The following MTMR6 variants were observed in gnomAD, a reference collection of about 807,000 sequenced individuals.
MTMR6 encodes phosphatidylinositol-3,5-bisphosphate 3-phosphatase MTMR6.
In MTMR6, 47 loss-of-function variants were observed where a neutral mutation model predicts 80.1. The observed-to-expected ratio is 0.59, with a 90% confidence interval of 0.46 to 0.75. The LOEUF is 0.75. MTMR6 is among the 30% of genes least tolerant of loss of function. The pLI is 0.00. For missense variants in MTMR6, 629 were observed against 730.9 expected (o/e 0.86, Z 1.61); for synonymous variants, 254 against 253.0 (o/e 1.00, Z -0.04).
intron 9 of MTMR6, among the ~76,000 whole-genome samples, 159 bp from the exon 10 acceptor site, chr13:25,254,593 G>T (rs1957155406): frequency 6.6e-6 from 1 of 152,166 alleles, no homozygotes; most frequent in Non-Finnish European, 1.5e-5. Flanking sequence ...CCAAAACCTT[G>T]ATTCGAGGTG....
intron 5 of MTMR6, among the ~76,000 whole-genome samples, chr13:25,264,264 AAAAAAAAAAATG>A (rs1279093614): frequency 2.4e-4 from 1 of 4,112 alleles, no homozygotes; most frequent in Non-Finnish European, 1.8e-3. Flanking sequence ...CAGAAAATCC[AAAAAAAAAAATG>A]AAAAATAAAG....
intron 1 of MTMR6, among the ~76,000 whole-genome samples, chr13:25,274,994 A>ACACACACACACACC (rs1957685826): frequency 6.8e-6 from 1 of 148,140 alleles, no homozygotes; most frequent in Non-Finnish European, 1.5e-5. Flanking sequence ...ACACACACAC[A>ACACACACACACACC]CACACACACA....
chr13:25,286,716 A>T (rs902647322), intron 1 of MTMR6, among the ~76,000 whole-genome samples: 2 of 152,214 alleles, frequency 1.3e-5, no homozygotes, highest in African/African-American at 4.8e-5. Context: ...CGGATGCGAA[A>T]GACTGGAGAC....
At chr13:25,266,433 T>C (rs1490611689) in intron 3 of MTMR6, 147 bp from the exon 4 acceptor site, 1 of 674,174 alleles carries the variant, frequency 1.5e-6, no homozygotes, top group African/African-American at 1.8e-5. Context: ...TGATGTTCAG[T>C]ATGCAAATGA....
chr13:25,287,064 T>C (rs1028115911), intron 1 of MTMR6, among the ~76,000 whole-genome samples, 160 bp downstream of exon 1: 1 of 152,114 alleles, frequency 6.6e-6, no homozygotes, highest in African/African-American at 2.4e-5. Flanking sequence ...AAGCTAACCC[T>C]GCCCTCCCAG....
At chr13:25,267,652 AG>A in intron 3 of MTMR6, 126 bp downstream of exon 3, 1 of 856,336 alleles carries the variant, frequency 1.2e-6, no homozygotes, top group East Asian at 2.7e-5. Context: ...TGGGGGAGAT[AG>A]AGTACAAAAG....
rs762766462 is a variant in MTMR6, at chr13:25,249,230, G to C, written c.*2C>G. 1 of 1,611,704 alleles carries C rather than the reference G, an allele frequency of 6.2e-7. No homozygotes were observed. Among genetic ancestry groups the C allele is most frequent in the African/African-American group, 1.3e-5 (1 of 74,866 alleles). On this transcript the variant is annotated 3_prime_UTR_variant, in exon 14 of 14. Transcript: ENST00000381801. Reference sequence around the variant, plus strand: ...AATCATTGCAGAAAAAACTCTATGAGTCTAACAAGTCATTCTTGCCACACC... The same window carrying C: ...AATCATTGCAGAAAAAACTCTATGACTCTAACAAGTCATTCTTGCCACACC...
intron 1 of MTMR6, among the ~76,000 whole-genome samples, chr13:25,276,818 T>C (rs913303873): frequency 6.6e-6 from 1 of 152,252 alleles, no homozygotes; most frequent in Non-Finnish European, 1.5e-5. Flanking sequence ...GGTCTCACTA[T>C]GTGCCTAGTG....
chr13:25,264,471 C>G (rs773505071), intron 5 of MTMR6, among the ~76,000 whole-genome samples: 2 of 151,888 alleles, frequency 1.3e-5, no homozygotes, highest in African/African-American at 2.4e-5. Context: ...AATTTCAGAA[C>G]AAGCAGGGCG....
At position 25,267,887 on chromosome 13, in the gene MTMR6, A is replaced by C. The variant is rs373692629; in HGVS notation, c.196T>G (p.Cys66Gly). The change falls in exon 3 of 14, where the codon TGC becomes GGC. Residue 66 changes from cysteine (C) to glycine (G), a missense_variant. Physicochemically the swap from Cys to Gly is radical, Grantham distance 159. Transcript: ENST00000381801. ...TTCTTGCACTGTATCACAAGGGGGC[A>C]TCCAGAAGTAGTCAAAGCAAGTTTC... ...VEKLALTTSG[C>G]PLVIQCKNFR... The C allele has an allele frequency of 5.6e-6, 9 of 1,613,350 alleles. No homozygotes were observed. The highest frequency in any genetic ancestry group is 7.6e-6 in the Non-Finnish European group (9 of 1,179,636).
At chr13:25,249,532 A>T in intron 13 of MTMR6, 40 bp from the exon 14 acceptor site, 1 of 1,588,054 alleles carries the variant, frequency 6.3e-7, no homozygotes, top group Non-Finnish European at 8.6e-7. Context: ...CTAATTGCAT[A>T]AGCCACAATA....
rs1956987522 is a variant in MTMR6 at position 25,246,753 on chromosome 13, A to G, written c.*2479T>C. 6.5e-6 allele frequency: 1 copy of G among 152,672 alleles called. No homozygotes were observed. The highest frequency in any genetic ancestry group is 2.4e-5 in the African/African-American group (1 of 41,430). 9.5% of individuals were successfully genotyped at this position (152,672 alleles called of 1,614,324 possible). Reference sequence around the variant, plus strand: ...ACCTCCCTGCTCTGCTACCCGACCAAATAAATTGAATTTGTTTTAAAAGAG... The same window carrying G: ...ACCTCCCTGCTCTGCTACCCGACCAGATAAATTGAATTTGTTTTAAAAGAG... On this transcript the variant is annotated 3_prime_UTR_variant, in exon 14 of 14. Transcript: ENST00000381801.
intron 1 of MTMR6, among the ~76,000 whole-genome samples, chr13:25,281,412 A>G (rs1957842035): frequency 6.6e-6 from 1 of 151,916 alleles, no homozygotes; most frequent in Admixed American, 6.6e-5. Flanking sequence ...AGAGGAAAGG[A>G]AAAGGAAGGA....
chr13:25,251,827 T>C lies in MTMR6; in HGVS notation c.1478+26A>G, dbSNP rs199892242. On this transcript the variant is annotated intron_variant, in intron 12 of 13. Transcript: ENST00000381801. The surrounding 1 kb of genome is among the most constrained non-coding windows in gnomAD (Gnocchi z 4.1). ...AATTGTGTTTGAGAAAATTCAAGTA[T>C]AAATACTCCAATGATGTCAACTTAC... is the stretch of plus-strand genomic sequence containing the variant. 4 of 1,603,066 alleles carry C rather than the reference T, an allele frequency of 2.5e-6. No homozygotes were observed. The highest frequency in any genetic ancestry group is 1.7e-4 in the Middle Eastern group (1 of 6,030).
rs562587474 is a variant in MTMR6, at chr13:25,263,103, G to GA, written c.592-1302dup. On this transcript the variant is annotated intron_variant, in intron 5 of 13. Coordinates refer to ENST00000381801, the MANE Select transcript of MTMR6 (RefSeq NM_004685.5). ...AAAACCACAGGGACAAAGAGAATGG[G>GA]AAAAAAGACATAGAGATGTCAATAA... Among the ~76,000 whole-genome samples, 5 of 152,028 alleles carry GA rather than the reference G, an allele frequency of 3.3e-5. No individual in the cohort carries two copies. In the South Asian group the frequency reaches 1.0e-3, roughly 32 times the overall value.
rs1330228114 is a variant in MTMR6, at chr13:25,246,321, A to G, written c.*2911T>C. ...ATATATACTTTTTTTTGAGATAATTATTCTAGATTCCAGGCTTTCTTCTAG... is the reference window on the plus strand; with the variant it reads ...ATATATACTTTTTTTTGAGATAATTGTTCTAGATTCCAGGCTTTCTTCTAG... On this transcript the variant is annotated 3_prime_UTR_variant, in exon 14 of 14. Transcript: ENST00000381801. 1 of 152,628 alleles carries G rather than the reference A, an allele frequency of 6.6e-6. No homozygotes were observed. The highest frequency in any genetic ancestry group is 1.5e-5 in the Non-Finnish European group (1 of 68,036). The allele number at this position is 152,628 out of a possible 1,614,324, so 9.5% of individuals were successfully genotyped here. A position where few individuals can be genotyped will look rare whatever the true frequency, so the allele number is the denominator to read the frequency against.
rs117656504 is a variant in MTMR6, at chr13:25,273,891, T to C, written c.141+180A>G. 4.9e-3 allele frequency among the ~76,000 whole-genome samples: 751 copies of C among 152,318 alleles called. 33 individuals carry two copies. In the East Asian group the frequency reaches 0.093, roughly 19 times the overall value. ...GTGTGGTATTTTATAGAATTCCATG[T>C]TACATATTCTATAACTGATTTATTA... On this transcript the variant is annotated intron_variant, in intron 2 of 13. Transcript: ENST00000381801.
In MTMR6 at chr13:25,258,675, G is replaced by T; in HGVS notation, c.744C>A (p.Asn248Lys). 1 of 1,569,190 alleles carries T rather than the reference G, an allele frequency of 6.4e-7. No homozygotes were observed. ...DTRPKLNAMA[N>K]RAAGKGYENE... ...TTTCATAACCTTTTCCAGCTGCTCT[G>T]TTGGCCATTGCATTCAGCTAAAATT... Residue 248 changes from asparagine to lysine, a missense_variant, in exon 7 of 14, where the codon AAC becomes AAA. By Grantham distance (94) the Asn-to-Lys change is moderately conservative. Transcript: ENST00000381801.
At chr13:25,275,324 A>G (rs1957695101) in intron 1 of MTMR6, among the ~76,000 whole-genome samples, 4 of 152,108 alleles carry the variant, frequency 2.6e-5, no homozygotes, top group Admixed American at 2.0e-4. Flanking sequence ...TGGGAGGCTG[A>G]GGCAGGAGAA....
Sources: allele counts gnomAD v4.1 joint callset (sites outside exome capture counted in the v4.1 genomes callset), GRCh38; gene constraint gnomAD v4.1.1; non-coding constraint Gnocchi (gnomAD v3.1); transcripts MANE v1.5; gene names NCBI Gene and HGNC (gene_info 2026-07-23, HGNC 2026-07-21).